Variants in LPCAT2 observed in about 807,000 individuals in gnomAD.
The protein encoded by LPCAT2 is 1-AGP acyltransferase 11.
A neutral mutation model predicts 64.7 loss-of-function variants in LPCAT2; 58 were observed. The ratio of observed to expected loss-of-function variants is 0.90; its 90% CI spans 0.73 to 1.12. The LOEUF is 1.12. Among genes scored for constraint, LPCAT2 ranks in the 50% most tolerant of loss-of-function variants. The pLI is 0.00. For synonymous variants in LPCAT2, 252 were observed against 245.3 expected (o/e 1.03, Z -0.26); for missense variants, 579 against 669.8 (o/e 0.86, Z 1.50).
At chr16:55,551,535 A>G (rs1415326864) in intron 11 of LPCAT2, among the ~76,000 whole-genome samples, 1 of 152,152 alleles carries the variant, frequency 6.6e-6, no homozygotes, top group African/African-American at 2.4e-5. Flanking sequence ...TTAGAATTTT[A>G]TTCTGAAGGT....
chr16:55,518,495 A>G (rs1317853662), intron 1 of LPCAT2, among the ~76,000 whole-genome samples: 4 of 152,228 alleles, frequency 2.6e-5, no homozygotes, highest in Admixed American at 1.3e-4. Flanking sequence ...AATAAAAACA[A>G]AATTGGAGAA....
At chr16:55,570,930 C>T (rs536354896) in intron 11 of LPCAT2, among the ~76,000 whole-genome samples, 9 of 152,078 alleles carry the variant, frequency 5.9e-5, no homozygotes, top group East Asian at 1.9e-4. Flanking sequence ...GTATCTCTGA[C>T]GATGTGAAGA....
intron 12 of LPCAT2, among the ~76,000 whole-genome samples, chr16:55,575,888 A>AAAG (rs1167510305): frequency 6.6e-6 from 1 of 152,220 alleles, no homozygotes; most frequent in Non-Finnish European, 1.5e-5. Flanking sequence ...GACTTTTTCC[A>AAAG]AAGTTTAAAA....
At chr16:55,522,346 A>G (rs1963109092) in intron 1 of LPCAT2, among the ~76,000 whole-genome samples, 1 of 151,776 alleles carries the variant, frequency 6.6e-6, no homozygotes, top group South Asian at 2.1e-4. Flanking sequence ...ACTTACATAG[A>G]GAGATATACC....
At position 55,521,814 on chromosome 16, in the gene LPCAT2, G is replaced by A. The variant is rs546001158; in HGVS notation, c.172-3694G>A. The stretch of plus-strand genomic sequence containing the variant: ...TCAATACCCACTAGTGATAAAAAAA[G>A]TTTCTTAGTAAAATAGGGATAAAGA... On this transcript the variant is annotated intron_variant, in intron 1 of 13. Coordinates refer to ENST00000262134, the MANE Select transcript of LPCAT2 (RefSeq NM_017839.5). 3.9e-3 allele frequency among the ~76,000 whole-genome samples: 591 copies of A among 151,634 alleles called. 1 individual carries two copies. Among genetic ancestry groups the A allele is most frequent in the Non-Finnish European group, 6.9e-3 (467 of 67,576 alleles).
At chr16:55,524,490 A>T (rs1304696777) in intron 1 of LPCAT2, among the ~76,000 whole-genome samples, 1 of 151,992 alleles carries the variant, frequency 6.6e-6, no homozygotes, top group Admixed American at 6.6e-5. Flanking sequence ...TTACATGAGT[A>T]TATATTTATC....
chr16:55,529,570 A>C (rs1963222479), intron 3 of LPCAT2, among the ~76,000 whole-genome samples: 1 of 152,202 alleles, frequency 6.6e-6, no homozygotes, highest in Non-Finnish European at 1.5e-5. Flanking sequence ...ATGTCAATTG[A>C]GGAAGAAGAC....
rs1963922230 is a variant in LPCAT2 at position 55,584,447 on chromosome 16, G to T, written c.*1349G>T. 6.6e-6 allele frequency: 1 copy of T among 152,178 alleles called. No homozygotes were observed. The highest frequency in any genetic ancestry group is 6.5e-5 in the Admixed American group (1 of 15,282). The allele number at this position is 152,178 out of a possible 1,614,324, so 9.4% of individuals were successfully genotyped here. A position where few individuals can be genotyped will look rare whatever the true frequency, so the allele number is the denominator to read the frequency against. On this transcript the variant is annotated 3_prime_UTR_variant, in exon 14 of 14. Transcript: ENST00000262134. Reference sequence around the variant, plus strand: ...TAACATTTTTCCTTTAGGTTAAGCAGTAATTTTTTTGAATTGTCATTTTTA... The same window carrying T: ...TAACATTTTTCCTTTAGGTTAAGCATTAATTTTTTTGAATTGTCATTTTTA...
At chr16:55,540,095 C>T (rs116736387) in intron 8 of LPCAT2, 26 of 152,206 alleles carry the variant, frequency 1.7e-4, no homozygotes, top group African/African-American at 6.3e-4. Flanking sequence ...CATTAGATAT[C>T]TAAGATATAA....
intron 3 of LPCAT2, 80 bp downstream of exon 3, chr16:55,528,674 A>C: frequency 9.3e-7 from 1 of 1,078,870 alleles, no homozygotes; most frequent in East Asian, 2.5e-5. Flanking sequence ...TAGTTCATTG[A>C]TAACCTTTTT....
Position 55,582,956 on chromosome 16 carries a change from A to T in LPCAT2, c.1493A>T (p.Lys498Met). ...GCCTTAAAGCATCCAGAATATGCTA[A>T]GATATTTACAACATACCTAGACCTC... ...SFALKHPEYA[K>M]IFTTYLDLQT... Residue 498 changes from lysine to methionine, a missense_variant, in exon 14 of 14, where the codon AAG becomes ATG. By Grantham distance (95) the Lys-to-Met change is moderately conservative. Coordinates refer to ENST00000262134, the MANE Select transcript of LPCAT2 (RefSeq NM_017839.5). 1 of 1,613,642 alleles carries T rather than the reference A, an allele frequency of 6.2e-7. No homozygotes were observed. The highest frequency in any genetic ancestry group is 8.5e-7 in the Non-Finnish European group (1 of 1,179,704).
At chr16:55,578,959 T>G (rs1220094115) in intron 12 of LPCAT2, 150 bp from the exon 13 acceptor site, 19 of 700,972 alleles carry the variant, frequency 2.7e-5, no homozygotes, top group Non-Finnish European at 4.2e-5. Flanking sequence ...ACAGGTGTTG[T>G]GAGGGTAGTA....
chr16:55,575,909 T>C (rs1963822660), intron 12 of LPCAT2, among the ~76,000 whole-genome samples: 1 of 152,228 alleles, frequency 6.6e-6, no homozygotes, highest in Admixed American at 6.5e-5. Context: ...CCTTCAGCTT[T>C]TACAGACTTA....
intron 1 of LPCAT2, among the ~76,000 whole-genome samples, chr16:55,522,672 A>G (rs1430334011): frequency 6.6e-6 from 1 of 151,752 alleles, no homozygotes; most frequent in Non-Finnish European, 1.5e-5. Context: ...CCATACATTA[A>G]TATTCAATTG....
chr16:55,550,912 G>A lies in LPCAT2; in HGVS notation c.1062-37G>A, dbSNP rs371262772. On this transcript the variant is annotated intron_variant, in intron 10 of 13. Transcript: ENST00000262134. Reference sequence around the variant, plus strand: ...AAAATGTGCATGTGAATTGTAAAGGGCTAATAACATGTATCTATAATTCTT... The same window carrying A: ...AAAATGTGCATGTGAATTGTAAAGGACTAATAACATGTATCTATAATTCTT... 6 of 1,489,018 alleles carry A rather than the reference G, an allele frequency of 4.0e-6. No homozygotes were observed. The African/African-American group carries it at 8.3e-5, about 21-fold the overall frequency. 92.2% of individuals were successfully genotyped at this position (1,489,018 alleles called of 1,614,324 possible).
intron 11 of LPCAT2, among the ~76,000 whole-genome samples, chr16:55,552,556 G>A (rs1963529605): frequency 6.6e-6 from 1 of 152,160 alleles, no homozygotes; most frequent in Non-Finnish European, 1.5e-5. Flanking sequence ...GTACAGGCAG[G>A]TCTTAGAGAT....
At chr16:55,550,346 T>G (rs1963502184) in intron 10 of LPCAT2, among the ~76,000 whole-genome samples, 1 of 152,152 alleles carries the variant, frequency 6.6e-6, no homozygotes, top group Non-Finnish European at 1.5e-5. Context: ...TTGGAGGACA[T>G]GTGTATAGTC....
intron 8 of LPCAT2, chr16:55,538,308 C>T (rs1364308716): frequency 3.3e-5 from 5 of 152,166 alleles, no homozygotes; most frequent in African/African-American, 1.2e-4. Context: ...CTCAGGTAGT[C>T]TCCGAAGAGA....
chr16:55,548,339 A>G (rs1963477384), intron 9 of LPCAT2, among the ~76,000 whole-genome samples: 1 of 152,100 alleles, frequency 6.6e-6, no homozygotes, highest in African/African-American at 2.4e-5. Flanking sequence ...TAGGAGTTAT[A>G]CTTTCCCTTA....
Sources: gnomAD v4.1 joint callset for allele counts (sites outside exome capture counted in the v4.1 genomes callset) on GRCh38, gnomAD v4.1.1 for gene constraint, MANE v1.5 for transcripts, NCBI Gene and HGNC (gene_info 2026-07-23, HGNC 2026-07-21) for gene names.